Variants in CAMK1D observed in about 807,000 individuals in gnomAD.
CAMK1D encodes the protein calcium/calmodulin-dependent protein kinase type 1D.
Under a neutral mutation model 47.7 loss-of-function variants are expected in CAMK1D, and 9 were observed. That is an observed-to-expected ratio of 0.19 (90% confidence interval 0.11 to 0.33). The LOEUF is 0.33. Ranked by LOEUF, CAMK1D falls within the 10% of genes least tolerant of loss-of-function variation. The probability of loss-of-function intolerance (pLI) is 1.00; values close to 1 mark genes in which losing one functional copy is unlikely to be tolerated. For synonymous variants in CAMK1D, 184 were observed against 184.9 expected (o/e 0.99, Z 0.04); for missense variants, 291 against 488.7 (o/e 0.60, Z 3.81).
chr10:12,508,409 A>C (rs1834942595), intron 1 of CAMK1D, among the ~76,000 whole-genome samples: 1 of 152,228 alleles, frequency 6.6e-6, no homozygotes, highest in South Asian at 2.1e-4. Context: ...CAAAAGGACA[A>C]ATGTCCTATG....
intron 1 of CAMK1D, among the ~76,000 whole-genome samples, chr10:12,399,469 A>T (rs1408168163): frequency 6.6e-6 from 1 of 151,444 alleles, no homozygotes; most frequent in Non-Finnish European, 1.5e-5. Flanking sequence ...GCACCACTGC[A>T]CTCTTGCCTG....
At chr10:12,669,855 G>A (rs1019866123) in intron 3 of CAMK1D, among the ~76,000 whole-genome samples, 7 of 152,096 alleles carry the variant, frequency 4.6e-5, no homozygotes, top group African/African-American at 1.7e-4. Flanking sequence ...GCATGTCTCA[G>A]TGGTTCATTC....
At chr10:12,705,529 T>A (rs4237425) in intron 3 of CAMK1D, among the ~76,000 whole-genome samples, 1 of 152,002 alleles carries the variant, frequency 6.6e-6, no homozygotes, top group Admixed American at 6.6e-5. Flanking sequence ...AATAAACATC[T>A]TGTTTTATGC....
At chr10:12,545,282 A>C (rs541930721) in intron 1 of CAMK1D, among the ~76,000 whole-genome samples, 1 of 5,778 alleles carries the variant, frequency 1.7e-4, no homozygotes, top group Non-Finnish European at 6.7e-4. Context: ...TCTACTAAAA[A>C]AACAAAAAAA....
chr10:12,794,470 C>A (rs923351246), intron 6 of CAMK1D, among the ~76,000 whole-genome samples: 1 of 152,098 alleles, frequency 6.6e-6, no homozygotes, highest in East Asian at 1.9e-4. Flanking sequence ...GATCCTGGCA[C>A]GTACTTCTGA....
intron 3 of CAMK1D, among the ~76,000 whole-genome samples, chr10:12,685,275 T>C (rs1339068561): frequency 1.3e-5 from 2 of 152,242 alleles, no homozygotes; most frequent in African/African-American, 2.4e-5. Flanking sequence ...CACTCCAGCC[T>C]GGGCGACAGA....
At chr10:12,593,442 T>A (rs1419671322) in intron 2 of CAMK1D, among the ~76,000 whole-genome samples, 2 of 152,066 alleles carry the variant, frequency 1.3e-5, no homozygotes, top group African/African-American at 4.8e-5. Context: ...ATACAAAAAT[T>A]AGCCAGGCAT....
intron 2 of CAMK1D, among the ~76,000 whole-genome samples, chr10:12,576,314 G>A (rs1481859041): frequency 6.6e-6 from 1 of 152,028 alleles, no homozygotes; most frequent in Non-Finnish European, 1.5e-5. Flanking sequence ...AACACAGTTT[G>A]GAGACTATTA....
intron 3 of CAMK1D, among the ~76,000 whole-genome samples, chr10:12,713,996 G>T (rs1355430974): frequency 1.3e-5 from 2 of 152,198 alleles, no homozygotes; most frequent in East Asian, 3.8e-4. Context: ...CAGGAGGAGG[G>T]AACGGGGTTA....
intron 2 of CAMK1D, among the ~76,000 whole-genome samples, chr10:12,642,048 T>TAAAAAAAAA (rs34344996): frequency 3.0e-5 from 4 of 133,256 alleles, no homozygotes; most frequent in Admixed American, 7.5e-5. Flanking sequence ...TTTCTCAGAA[T>TAAAAAAAAA]AAAAAAAAAA....
chr10:12,420,082 C>T (rs2131964286), intron 1 of CAMK1D, among the ~76,000 whole-genome samples: 1 of 152,236 alleles, frequency 6.6e-6, no homozygotes, highest in African/African-American at 2.4e-5. Context: ...GCCTCAGCCT[C>T]CCGAGTAGCT....
chr10:12,588,191 C>T (rs1363716776), intron 2 of CAMK1D, among the ~76,000 whole-genome samples: 3 of 152,072 alleles, frequency 2.0e-5, no homozygotes, highest in South Asian at 2.1e-4. Context: ...AAATGGGTGA[C>T]AGTCTGCAAG....
At chr10:12,425,832 T>A (rs1003714829) in intron 1 of CAMK1D, among the ~76,000 whole-genome samples, 4 of 152,234 alleles carry the variant, frequency 2.6e-5, no homozygotes, top group Admixed American at 2.6e-4. Flanking sequence ...TAAGAAAATA[T>A]AATTTATCAG....
At chr10:12,773,318 C>A (rs1837127589) in intron 5 of CAMK1D, among the ~76,000 whole-genome samples, 3 of 152,126 alleles carry the variant, frequency 2.0e-5, no homozygotes, top group Admixed American at 2.0e-4. Flanking sequence ...GGCTGGGTTC[C>A]AAGATACTTC....
At chr10:12,393,806 G>A (rs1838834851) in intron 1 of CAMK1D, among the ~76,000 whole-genome samples, 1 of 152,224 alleles carries the variant, frequency 6.6e-6, no homozygotes, top group Non-Finnish European at 1.5e-5. Context: ...GAAGATGACA[G>A]TGTTGACATC....
At chr10:12,418,250 T>C (rs1839924117) in intron 1 of CAMK1D, among the ~76,000 whole-genome samples, 1 of 152,114 alleles carries the variant, frequency 6.6e-6, no homozygotes. Flanking sequence ...CATCAAAACA[T>C]ATGATTGCAA....
intron 1 of CAMK1D, among the ~76,000 whole-genome samples, chr10:12,469,034 C>A (rs531926447): frequency 6.6e-6 from 1 of 152,192 alleles, no homozygotes; most frequent in South Asian, 2.1e-4. Context: ...GGATGGAAAT[C>A]AAGTGAACGG....
At chr10:12,727,244 C>A (rs191249029) in intron 3 of CAMK1D, among the ~76,000 whole-genome samples, 1 of 152,288 alleles carries the variant, frequency 6.6e-6, no homozygotes, top group East Asian at 1.9e-4. Context: ...TAAAACAATC[C>A]CTTTCAAGTC....
At chr10:12,353,336 T>C (rs2131830020) in intron 1 of CAMK1D, among the ~76,000 whole-genome samples, 1 of 152,350 alleles carries the variant, frequency 6.6e-6, no homozygotes, top group Admixed American at 6.5e-5. Flanking sequence ...GAAGCAGGGC[T>C]GTCAGCTCAC....
Sources: gnomAD v4.1 joint callset for allele counts (sites outside exome capture counted in the v4.1 genomes callset) on GRCh38, gnomAD v4.1.1 for gene constraint, MANE v1.5 for transcripts, NCBI Gene and HGNC (gene_info 2026-07-23, HGNC 2026-07-21) for gene names.